The following KLF12 variants were observed in gnomAD, a reference collection of about 807,000 sequenced individuals.
KLF12 encodes the protein KLF transcription factor 12.
Under a neutral mutation model 37.8 loss-of-function variants are expected in KLF12, and 9 were observed. The observed-to-expected ratio is 0.24, with a 90% CI of 0.14 to 0.42. The LOEUF is 0.42. Ranked by LOEUF, KLF12 falls within the 10% of genes least tolerant of loss-of-function variation. The pLI, the probability that KLF12 is intolerant of heterozygous loss-of-function variation, is 1.00. For synonymous variants in KLF12, 208 were observed against 202.1 expected, an observed-to-expected ratio of 1.03 and a Z score of -0.25; for missense variants, 411 against 516.0, an observed-to-expected ratio of 0.80 and a Z score of 1.97.
chr13:74,192,628 GAC>G, the KLF12 span, among the ~76,000 whole-genome samples: 1 of 152,138 alleles, frequency 6.6e-6, no homozygotes, highest in South Asian at 2.1e-4. Flanking sequence ...TCAATAGTTT[GAC>G]ACACATATTT....
At chr13:74,230,747 TTATC>T in the KLF12 span, among the ~76,000 whole-genome samples, 69 of 152,240 alleles carry the variant, frequency 4.5e-4, no homozygotes, top group African/African-American at 1.5e-3. Flanking sequence ...TATCAAGTGT[TTATC>T]TATTGCCCCA....
chr13:73,725,833 GTATTTATTTATTTATT>G (rs71919762), intron 6 of KLF12, among the ~76,000 whole-genome samples: 5,137 of 142,220 alleles, frequency 0.036, 317 homozygotes, highest in African/African-American at 0.12. Flanking sequence ...ATTTCAAAAT[GTATTTATTTATTTATT>G]TATTTATTTA....
intron 4 of KLF12, among the ~76,000 whole-genome samples, chr13:73,838,281 C>T (rs1311187571): frequency 3.9e-5 from 6 of 152,148 alleles, no homozygotes; most frequent in African/African-American, 1.2e-4. Flanking sequence ...AAAGCAACAG[C>T]CTGTAGGAAG....
chr13:74,299,636 G>A, the KLF12 span, among the ~76,000 whole-genome samples: 1 of 152,012 alleles, frequency 6.6e-6, no homozygotes, highest in Non-Finnish European at 1.5e-5. Flanking sequence ...TAGCGTTAAG[G>A]GCTAATAAGA....
chr13:74,134,763 T>G (rs925672426), upstream of KLF12, among the ~76,000 whole-genome samples: 9 of 151,630 alleles, frequency 5.9e-5, no homozygotes, highest in Non-Finnish European at 1.3e-4. Context: ...CTCTTTTGTG[T>G]CAGAGCGCGC....
the KLF12 span, among the ~76,000 whole-genome samples, chr13:74,245,295 A>ATCTATCTG: frequency 2.0e-5 from 1 of 50,090 alleles, no homozygotes; most frequent in African/African-American, 8.6e-5. Context: ...AGATAAGTTT[A>ATCTATCTG]TCTATCTATC....
At chr13:74,095,765 T>C (rs1447673653) in intron 1 of KLF12, among the ~76,000 whole-genome samples, 1 of 152,240 alleles carries the variant, frequency 6.6e-6, no homozygotes, top group East Asian at 1.9e-4. Flanking sequence ...TAGACTGAAT[T>C]AAAACAATTT....
At chr13:74,065,080 T>C (rs892153364) in intron 1 of KLF12, among the ~76,000 whole-genome samples, 6 of 152,108 alleles carry the variant, frequency 3.9e-5, no homozygotes, top group Non-Finnish European at 8.8e-5. Flanking sequence ...ACAAACATTA[T>C]ACTCCCATAT....
At chr13:74,124,923 A>T (rs1452566954) in intron 1 of KLF12, among the ~76,000 whole-genome samples, 4 of 152,158 alleles carry the variant, frequency 2.6e-5, no homozygotes, top group Admixed American at 6.6e-5. Context: ...AGGCGGGTGG[A>T]TCACTTGAGG....
chr13:73,734,377 A>C (rs1270208169), intron 6 of KLF12, among the ~76,000 whole-genome samples: 1 of 152,128 alleles, frequency 6.6e-6, no homozygotes, highest in African/African-American at 2.4e-5. Context: ...GCAGAATGTA[A>C]GTTTTATGTG....
At chr13:73,774,301 C>CATATATATAT (rs1566358780) in intron 5 of KLF12, among the ~76,000 whole-genome samples, 1 of 134,560 alleles carries the variant, frequency 7.4e-6, no homozygotes, top group African/African-American at 3.0e-5. Flanking sequence ...CACACACACA[C>CATATATATAT]ATCTATATAT....
intron 3 of KLF12, among the ~76,000 whole-genome samples, chr13:73,871,479 T>C (rs1318869531): frequency 6.6e-6 from 1 of 152,172 alleles, no homozygotes; most frequent in East Asian, 1.9e-4. Flanking sequence ...GAATGTAAAC[T>C]GAGCGGGGAG....
chr13:74,111,317 A>C (rs1876962334), intron 1 of KLF12, among the ~76,000 whole-genome samples: 1 of 152,180 alleles, frequency 6.6e-6, no homozygotes, highest in Non-Finnish European at 1.5e-5. Flanking sequence ...TTTGAATCAT[A>C]AGACAACTTT....
chr13:73,996,925 C>T (rs1008657285), intron 1 of KLF12, among the ~76,000 whole-genome samples: 1 of 152,070 alleles, frequency 6.6e-6, no homozygotes, highest in Non-Finnish European at 1.5e-5. Flanking sequence ...AATTTTATAA[C>T]CAAGGAAAAA....
At chr13:73,735,166 A>T (rs1371555124) in intron 6 of KLF12, among the ~76,000 whole-genome samples, 1 of 148,974 alleles carries the variant, frequency 6.7e-6, no homozygotes, top group African/African-American at 2.5e-5. Flanking sequence ...CTATTGTGAC[A>T]CATGCCTGTG....
At chr13:74,295,054 G>A in the KLF12 span, among the ~76,000 whole-genome samples, 1 of 152,166 alleles carries the variant, frequency 6.6e-6, no homozygotes, top group East Asian at 1.9e-4. Context: ...TTCCTTTTAT[G>A]TAACATTGGG....
intron 5 of KLF12, among the ~76,000 whole-genome samples, chr13:73,804,535 C>T (rs1882459091): frequency 6.6e-6 from 1 of 152,046 alleles, no homozygotes; most frequent in African/African-American, 2.4e-5. Context: ...TACCCACAGA[C>T]TGAGTTACTA....
chr13:74,186,983 G>A, the KLF12 span, among the ~76,000 whole-genome samples: 6 of 152,242 alleles, frequency 3.9e-5, no homozygotes, highest in African/African-American at 1.4e-4. Flanking sequence ...TCTATTAAAT[G>A]AGCTATCATA....
At chr13:73,953,628 T>C (rs915854388) in intron 2 of KLF12, among the ~76,000 whole-genome samples, 8 of 152,238 alleles carry the variant, frequency 5.3e-5, no homozygotes, top group Admixed American at 3.9e-4. Flanking sequence ...TCATATATTT[T>C]CTGTGGGAAA....
Sources: allele counts gnomAD v4.1 joint callset (sites outside exome capture counted in the v4.1 genomes callset), GRCh38; gene constraint gnomAD v4.1.1; transcripts MANE v1.5; gene names NCBI Gene and HGNC (gene_info 2026-07-23, HGNC 2026-07-21).